The following COL24A1 variants were observed in gnomAD, a reference collection of about 807,000 sequenced individuals.
COL24A1 encodes collagen type XXIV alpha 1 chain.
A neutral mutation model predicts 253.9 loss-of-function variants in COL24A1; 224 were observed. That is an observed-to-expected ratio of 0.88 (90% CI 0.79 to 0.99). The LOEUF (loss-of-function observed/expected upper bound fraction) is 0.99, where lower values mean the gene tolerates loss of function less well. Among genes scored for constraint, COL24A1 ranks in the 50% least tolerant of loss-of-function variants. The pLI, the probability that COL24A1 is intolerant of heterozygous loss-of-function variation, is 0.00. For missense variants in COL24A1, 2,131 were observed against 2,068.5 expected (o/e 1.03, Z -0.59); for synonymous variants, 685 against 673.7 (o/e 1.02, Z -0.26).
intron 31 of COL24A1, among the ~76,000 whole-genome samples, chr1:85,890,011 C>T (rs576662617): frequency 1.3e-5 from 2 of 152,210 alleles, no homozygotes; most frequent in African/African-American, 4.8e-5. Context: ...CAATATCTGT[C>T]TTTCTGTGAC....
intron 5 of COL24A1, among the ~76,000 whole-genome samples, chr1:86,099,416 A>G (rs917912568): frequency 6.6e-6 from 1 of 152,234 alleles, no homozygotes; most frequent in African/African-American, 2.4e-5. Context: ...AATATAATGT[A>G]GTCCATAGAG....
At chr1:86,013,062 G>A (rs190735843) in intron 19 of COL24A1, among the ~76,000 whole-genome samples, 2 of 152,216 alleles carry the variant, frequency 1.3e-5, no homozygotes, top group East Asian at 3.9e-4. Flanking sequence ...TTATGAGGTT[G>A]GTACTATTAA....
intron 24 of COL24A1, among the ~76,000 whole-genome samples, chr1:85,918,344 T>C (rs1159490547): frequency 1.3e-5 from 2 of 152,190 alleles, no homozygotes; most frequent in African/African-American, 2.4e-5. Flanking sequence ...GTTTTCCAAA[T>C]GCTATATATT....
At chr1:85,756,431 T>A (rs1249604404) in intron 55 of COL24A1, among the ~76,000 whole-genome samples, 1 of 151,426 alleles carries the variant, frequency 6.6e-6, no homozygotes, top group Non-Finnish European at 1.5e-5. Flanking sequence ...AAAAAAAAAA[T>A]ACAAATGTCT....
At chr1:85,870,190 C>T (rs1391490341) in intron 35 of COL24A1, among the ~76,000 whole-genome samples, 2 of 152,290 alleles carry the variant, frequency 1.3e-5, no homozygotes, top group East Asian at 3.9e-4. Context: ...CACCCAGATT[C>T]ATAAAGCAAG....
At chr1:86,148,848 C>A (rs1652317984) in intron 1 of COL24A1, among the ~76,000 whole-genome samples, 1 of 152,030 alleles carries the variant, frequency 6.6e-6, no homozygotes, top group African/African-American at 2.4e-5. Context: ...GATTTATAGT[C>A]CTTTGGATAT....
intron 57 of COL24A1, among the ~76,000 whole-genome samples, chr1:85,740,656 C>T (rs1039579781): frequency 1.1e-4 from 17 of 151,890 alleles, no homozygotes; most frequent in Non-Finnish European, 2.1e-4. Context: ...TGAAGTTTCA[C>T]CACGTTGGCC....
intron 55 of COL24A1, among the ~76,000 whole-genome samples, chr1:85,757,271 CA>C (rs978632721): frequency 5.8e-4 from 88 of 152,008 alleles, no homozygotes; most frequent in African/African-American, 2.1e-3. Context: ...TCCCTTAGAC[CA>C]AACTATCCTA....
chr1:85,952,231 T>A (rs887345894), intron 24 of COL24A1, among the ~76,000 whole-genome samples: 7 of 152,176 alleles, frequency 4.6e-5, no homozygotes, highest in African/African-American at 1.7e-4. Context: ...ACATGTAAAG[T>A]GTTCAGAAAA....
In COL24A1 at chr1:85,856,655, C is replaced by T. The variant is rs149950999; in HGVS notation, c.3301-7249G>A. 7.8e-3 allele frequency among the ~76,000 whole-genome samples: 1,184 copies of T among 152,226 alleles called. 9 individuals carry two copies. Among genetic ancestry groups the T allele is most frequent in the Non-Finnish European group, 0.011 (753 of 67,994 alleles). ...CAAAACCAAAGTCTCTAAATCCCTC[C>T]TCCTAACCCTAAACTGCTTTCCTCC... On this transcript the variant is annotated intron_variant, in intron 37 of 59. Coordinates refer to ENST00000370571, the MANE Select transcript of COL24A1 (RefSeq NM_152890.7).
chr1:85,913,105 A>G (rs1287176873), intron 24 of COL24A1, among the ~76,000 whole-genome samples: 1 of 152,174 alleles, frequency 6.6e-6, no homozygotes, highest in African/African-American at 2.4e-5. Flanking sequence ...TCTAGTTGGA[A>G]GTGATTTAAT....
intron 2 of COL24A1, among the ~76,000 whole-genome samples, chr1:86,134,270 A>G (rs575012704): frequency 1.2e-4 from 18 of 150,076 alleles, no homozygotes; most frequent in Non-Finnish European, 2.5e-4. Flanking sequence ...CTGGCGGTTT[A>G]TCAATTTTGT....
intron 47 of COL24A1, among the ~76,000 whole-genome samples, chr1:85,797,358 G>A (rs114491228): frequency 0.014 from 2,162 of 152,256 alleles, 66 homozygotes; most frequent in Admixed American, 0.073. Context: ...AGTGTACTGA[G>A]CATCCAAAAG....
At chr1:85,855,907 C>T (rs1427833282) in intron 37 of COL24A1, among the ~76,000 whole-genome samples, 1 of 152,072 alleles carries the variant, frequency 6.6e-6, no homozygotes, top group African/African-American at 2.4e-5. Flanking sequence ...CAGTTTCTTC[C>T]TGGTTCAATC....
At chr1:85,795,807 AT>A (rs1192463493) in intron 47 of COL24A1, among the ~76,000 whole-genome samples, 2 of 151,966 alleles carry the variant, frequency 1.3e-5, no homozygotes, top group South Asian at 2.1e-4. Flanking sequence ...TGTAAGTACT[AT>A]TTTTTTTCTT....
intron 12 of COL24A1, among the ~76,000 whole-genome samples, chr1:86,037,601 C>A (rs987839603): frequency 3.9e-5 from 6 of 152,184 alleles, no homozygotes; most frequent in Non-Finnish European, 7.4e-5. Flanking sequence ...TGAACTTTAC[C>A]CCAGTCAAGC....
intron 48 of COL24A1, among the ~76,000 whole-genome samples, chr1:85,785,214 T>C (rs1465180586): frequency 2.6e-5 from 4 of 152,216 alleles, no homozygotes; most frequent in Non-Finnish European, 5.9e-5. Context: ...ATTCCTTTGA[T>C]ATGAACTGTC....
chr1:85,859,431 C>A (rs576410129), intron 37 of COL24A1, among the ~76,000 whole-genome samples: 1 of 152,100 alleles, frequency 6.6e-6, no homozygotes, highest in South Asian at 2.1e-4. Flanking sequence ...ACATATGAAT[C>A]TATTAGGAAT....
intron 5 of COL24A1, among the ~76,000 whole-genome samples, chr1:86,101,647 T>C (rs1557626754): frequency 6.6e-6 from 1 of 152,230 alleles, no homozygotes; most frequent in South Asian, 2.1e-4. Flanking sequence ...GAGATAATCA[T>C]GTGGTTTTTG....
Sources: allele counts gnomAD v4.1 joint callset (sites outside exome capture counted in the v4.1 genomes callset), GRCh38; gene constraint gnomAD v4.1.1; transcripts MANE v1.5; gene names NCBI Gene and HGNC (gene_info 2026-07-23, HGNC 2026-07-21).